Variants in CNTNAP2 observed in about 807,000 individuals in gnomAD.
The protein encoded by CNTNAP2 is contactin associated protein 2.
A neutral mutation model predicts 155.2 loss-of-function variants in CNTNAP2; 98 were observed. The observed-to-expected ratio is 0.63, with a 90% confidence interval of 0.54 to 0.75. CNTNAP2 has a LOEUF of 0.75. CNTNAP2 is among the 30% of genes least tolerant of loss of function. The pLI is 0.00. For synonymous variants in CNTNAP2, 651 were observed against 631.2 expected (o/e 1.03, Z -0.47); for missense variants, 1,727 against 1,688.1 (o/e 1.02, Z -0.40).
intron 8 of CNTNAP2, among the ~76,000 whole-genome samples, chr7:147,277,270 G>T (rs904683921): frequency 2.6e-5 from 4 of 151,892 alleles, no homozygotes; most frequent in African/African-American, 9.7e-5. Context: ...AAACTAGATT[G>T]AATTCTCCAT....
chr7:147,448,484 GTATA>G (rs10683190), intron 10 of CNTNAP2, among the ~76,000 whole-genome samples: 43 of 143,348 alleles, frequency 3.0e-4, no homozygotes, highest in Middle Eastern at 3.6e-3. Flanking sequence ...GTGTGTGTGT[GTATA>G]TATATATATA....
intron 9 of CNTNAP2, among the ~76,000 whole-genome samples, chr7:147,380,353 G>A (rs953540321): frequency 2.6e-5 from 4 of 151,984 alleles, no homozygotes; most frequent in South Asian, 2.1e-4. Context: ...CTAGCATCAC[G>A]CTTCATCAAT....
intron 18 of CNTNAP2, among the ~76,000 whole-genome samples, chr7:148,215,048 T>C (rs1795612857): frequency 6.6e-6 from 1 of 152,206 alleles, no homozygotes; most frequent in South Asian, 2.1e-4. Flanking sequence ...CTGCACATAG[T>C]TGAAAAGCTA....
chr7:147,414,055 A>T (rs1392082103), intron 10 of CNTNAP2, among the ~76,000 whole-genome samples: 1 of 152,162 alleles, frequency 6.6e-6, no homozygotes, highest in Non-Finnish European at 1.5e-5. Context: ...ATCACCTGTT[A>T]TCTTTGGAGT....
rs529065100 is a variant in CNTNAP2, at chr7:146,750,291, C to A, written c.98-23980C>A. 5.9e-5 allele frequency among the ~76,000 whole-genome samples: 9 copies of A among 152,242 alleles called. No individual in the cohort carries two copies. In the South Asian group the frequency reaches 1.9e-3, roughly 32 times the overall value. The stretch of plus-strand genomic sequence containing the variant: ...TCTTCTCTTTCCACCCCTACCTCAC[C>A]CTCCTCCCTTGGAATTAGAGATTGA... On this transcript the variant is annotated intron_variant, in intron 1 of 23. Coordinates refer to ENST00000361727, the MANE Select transcript of CNTNAP2 (RefSeq NM_014141.6).
intron 17 of CNTNAP2, among the ~76,000 whole-genome samples, chr7:148,152,386 G>A (rs1303795825): frequency 1.3e-5 from 2 of 152,026 alleles, no homozygotes; most frequent in African/African-American, 2.4e-5. Context: ...CAGGGTGACA[G>A]CCACAGAACT....
chr7:146,487,599 C>A (rs1797076000), intron 1 of CNTNAP2, among the ~76,000 whole-genome samples: 2 of 152,104 alleles, frequency 1.3e-5, no homozygotes, highest in Non-Finnish European at 2.9e-5. Context: ...TTCCCCACAG[C>A]AAACTGAGAA....
intron 12 of CNTNAP2, among the ~76,000 whole-genome samples, chr7:147,604,306 A>G (rs1801016506): frequency 6.6e-6 from 1 of 151,952 alleles, no homozygotes; most frequent in African/African-American, 2.4e-5. Flanking sequence ...ATGGGAGAAA[A>G]TTTTCACAAC....
At chr7:146,729,641 A>G (rs971888239) in intron 1 of CNTNAP2, among the ~76,000 whole-genome samples, 4 of 152,038 alleles carry the variant, frequency 2.6e-5, no homozygotes, top group African/African-American at 7.2e-5. Flanking sequence ...AGATATAATA[A>G]AACACAGGCT....
intron 1 of CNTNAP2, among the ~76,000 whole-genome samples, chr7:146,176,734 G>A (rs1490532150): frequency 6.6e-6 from 1 of 152,138 alleles, no homozygotes; most frequent in African/African-American, 2.4e-5. Flanking sequence ...ACATTCTGAT[G>A]TGACTGCTTT....
intron 1 of CNTNAP2, among the ~76,000 whole-genome samples, chr7:146,297,497 C>G (rs1395436346): frequency 6.6e-6 from 1 of 151,226 alleles, no homozygotes; most frequent in African/African-American, 2.4e-5. Flanking sequence ...AAAGAGATAG[C>G]CAAATGAGGA....
rs114303222 is a variant in CNTNAP2 at position 148,074,903 on chromosome 7, C to A, written c.2384-43215C>A. Among the ~76,000 whole-genome samples, 633 of 152,280 alleles carry A rather than the reference C, an allele frequency of 4.2e-3. 7 individuals carry two copies. Among genetic ancestry groups the A allele is most frequent in the African/African-American group, 0.015 (613 of 41,558 alleles). Reference sequence around the variant, plus strand: ...ATTTTTATCAACACTTTCTCATCCCCATCTTTAAATTATTGGTATAAACAA... The same window carrying A: ...ATTTTTATCAACACTTTCTCATCCCAATCTTTAAATTATTGGTATAAACAA... On this transcript the variant is annotated intron_variant, in intron 15 of 23. Coordinates refer to ENST00000361727, the MANE Select transcript of CNTNAP2 (RefSeq NM_014141.6).
intron 14 of CNTNAP2, among the ~76,000 whole-genome samples, chr7:147,927,649 T>C (rs1009333475): frequency 6.6e-6 from 1 of 152,246 alleles, no homozygotes; most frequent in African/African-American, 2.4e-5. Flanking sequence ...CTTCAGAATT[T>C]CATGCCATAA....
chr7:146,465,536 G>A (rs1234244791), intron 1 of CNTNAP2, among the ~76,000 whole-genome samples: 2 of 152,068 alleles, frequency 1.3e-5, no homozygotes, highest in Admixed American at 1.3e-4. Flanking sequence ...GTATTAGGTG[G>A]GCTGTTCCCT....
At chr7:147,915,468 G>A (rs1350577497) in intron 14 of CNTNAP2, among the ~76,000 whole-genome samples, 2 of 152,138 alleles carry the variant, frequency 1.3e-5, no homozygotes, top group African/African-American at 4.8e-5. Flanking sequence ...ATATTATGAG[G>A]AGTACTGGTA....
At position 148,053,273 on chromosome 7, in the gene CNTNAP2, G is replaced by A. The variant is rs1276056646; in HGVS notation, c.2384-64845G>A. ...AGGGGAACCTTACATTTTCTTTATG[G>A]TTTTCTGATTATTCCAAATATTGTA... On this transcript the variant is annotated intron_variant, in intron 15 of 23. Transcript: ENST00000361727. Among the ~76,000 whole-genome samples, 3 of 151,876 alleles carry A rather than the reference G, an allele frequency of 2.0e-5. No homozygotes were observed. In the East Asian group the frequency reaches 5.8e-4, roughly 29 times the overall value.
At chr7:147,313,307 T>C (rs930011337) in intron 9 of CNTNAP2, among the ~76,000 whole-genome samples, 2 of 151,180 alleles carry the variant, frequency 1.3e-5, no homozygotes, top group African/African-American at 4.9e-5. Context: ...TTGCCATTGC[T>C]TTTGGTGTTT....
intron 17 of CNTNAP2, among the ~76,000 whole-genome samples, chr7:148,168,193 C>T (rs1034859353): frequency 5.9e-5 from 9 of 151,658 alleles, no homozygotes; most frequent in Non-Finnish European, 1.3e-4. Context: ...ACCATTTGAC[C>T]CAGCCATCCC....
intron 12 of CNTNAP2, among the ~76,000 whole-genome samples, chr7:147,608,532 G>A (rs1421640176): frequency 6.6e-6 from 1 of 151,998 alleles, no homozygotes; most frequent in East Asian, 1.9e-4. Context: ...AAGCTCCTGG[G>A]TTCAAGCAAT....
Sources: allele counts gnomAD v4.1 joint callset (sites outside exome capture counted in the v4.1 genomes callset), GRCh38; gene constraint gnomAD v4.1.1; transcripts MANE v1.5; gene names NCBI Gene and HGNC (gene_info 2026-07-23, HGNC 2026-07-21).